Variants in RAB11FIP3 observed in about 807,000 individuals in gnomAD.
RAB11FIP3 encodes rab11 family-interacting protein 3.
RAB11FIP3 carries 17 observed loss-of-function variants against 77.8 expected under a neutral mutation model. That is an observed-to-expected ratio of 0.22 (90% confidence interval 0.15 to 0.33). The LOEUF (loss-of-function observed/expected upper bound fraction) is 0.33, where lower values mean the gene tolerates loss of function less well. Ranked by LOEUF, RAB11FIP3 falls within the 10% of genes least tolerant of loss-of-function variation. RAB11FIP3 has a pLI of 1.00. For synonymous variants in RAB11FIP3, 437 were observed against 448.2 expected (o/e 0.98, Z 0.31); for missense variants, 1,005 against 1,011.2 (o/e 0.99, Z 0.08).
Position 507,262 on chromosome 16 carries a change from A to G in RAB11FIP3, c.1499+1635A>G, listed in dbSNP as rs933905825. On this transcript the variant is annotated intron_variant, in intron 8 of 13. Coordinates refer to ENST00000262305, the MANE Select transcript of RAB11FIP3 (RefSeq NM_014700.4). This position sits in a 1 kb window ranked among gnomAD's most constrained non-coding sequence, Gnocchi z 4.6. ...GAGTAGCTGGGACTTGCAGGCATGCACCACCACGCTGGGCTAATTTTTGTA... is the reference window on the plus strand; with the variant it reads ...GAGTAGCTGGGACTTGCAGGCATGCGCCACCACGCTGGGCTAATTTTTGTA... Among the ~76,000 whole-genome samples, 1 of 152,066 alleles carries G rather than the reference A, an allele frequency of 6.6e-6. No homozygotes were observed. The highest frequency in any genetic ancestry group is 2.4e-5 in the African/African-American group (1 of 41,400).
intron 1 of RAB11FIP3, among the ~76,000 whole-genome samples, chr16:453,968 T>C (rs1764777093): frequency 6.6e-6 from 1 of 152,122 alleles, no homozygotes; most frequent in Admixed American, 6.6e-5. Flanking sequence ...GGAAAACTCA[T>C]ATTATTCAGC....
chr16:520,424 G>T, intron 12 of RAB11FIP3, 35 bp from the exon 13 acceptor site: 1 of 1,609,880 alleles, frequency 6.2e-7, no homozygotes, highest in African/African-American at 1.3e-5. Flanking sequence ...ACCAGCAGGG[G>T]CCACAGCCCA....
At chr16:491,798 G>A (rs988583488) in intron 5 of RAB11FIP3, among the ~76,000 whole-genome samples, 3 of 152,142 alleles carry the variant, frequency 2.0e-5, no homozygotes, top group Non-Finnish European at 4.4e-5. Flanking sequence ...TGACGTGCCC[G>A]TTGGGCATCG....
Position 464,010 on chromosome 16 carries a change from T to C in RAB11FIP3, c.808+2513T>C, listed in dbSNP as rs146249286. Among the ~76,000 whole-genome samples the C allele has an allele frequency of 6.1e-3, 927 of 152,168 alleles. 10 individuals are homozygous for C. The highest frequency in any genetic ancestry group is 0.021 in the African/African-American group (882 of 41,522). ...CACCCTGACAACCAGGTAAAGACCA[T>C]CTGGCCCAGGTGAGGAAGCAGTCCT... On this transcript the variant is annotated intron_variant, in intron 2 of 13. Transcript: ENST00000262305.
At chr16:517,647 AG>A (rs1215623275) in intron 9 of RAB11FIP3, among the ~76,000 whole-genome samples, 1 of 152,226 alleles carries the variant, frequency 6.6e-6, no homozygotes, top group African/African-American at 2.4e-5. Context: ...GTCTTCAGTT[AG>A]TGTGGTCTGC....
chr16:441,763 T>G (rs1455154321), intron 1 of RAB11FIP3, among the ~76,000 whole-genome samples: 1 of 152,226 alleles, frequency 6.6e-6, no homozygotes, highest in East Asian at 1.9e-4. Flanking sequence ...AGCCTTTGAG[T>G]GACTGATACT....
At chr16:440,133 G>A (rs947576604) in intron 1 of RAB11FIP3, among the ~76,000 whole-genome samples, 2 of 150,112 alleles carry the variant, frequency 1.3e-5, no homozygotes, top group Non-Finnish European at 3.0e-5. Context: ...GTGAGCCACC[G>A]CGCCCGGCCT....
intron 9 of RAB11FIP3, among the ~76,000 whole-genome samples, chr16:511,922 A>C (rs1320301006): frequency 8.1e-6 from 1 of 124,036 alleles, no homozygotes; most frequent in East Asian, 2.5e-4. Context: ...AGGTAGGAGA[A>C]GTTCCCCGAC....
At chr16:490,255 C>A (rs757963627) in intron 5 of RAB11FIP3, among the ~76,000 whole-genome samples, 1 of 152,242 alleles carries the variant, frequency 6.6e-6, no homozygotes, top group African/African-American at 2.4e-5. Context: ...CCTTTGCCTT[C>A]GCGTCGCAGA....
intron 1 of RAB11FIP3, among the ~76,000 whole-genome samples, chr16:456,309 G>C: frequency 6.6e-6 from 1 of 152,126 alleles, no homozygotes; most frequent in East Asian, 1.9e-4. Flanking sequence ...AATGAGCCGG[G>C]TGTGGCGGCA....
Position 520,977 on chromosome 16 carries a change from G to T in RAB11FIP3, c.*138G>T. ...ATGCAGGGAACCCTCGTGCAGCTGAGCTGGGGCCGCCAAAGACCGGGGCTG... is the reference window on the plus strand; with the variant it reads ...ATGCAGGGAACCCTCGTGCAGCTGATCTGGGGCCGCCAAAGACCGGGGCTG... On this transcript the variant is annotated 3_prime_UTR_variant, in exon 14 of 14. Coordinates refer to ENST00000262305, the MANE Select transcript of RAB11FIP3 (RefSeq NM_014700.4). 1 of 718,868 alleles carries T rather than the reference G, an allele frequency of 1.4e-6. No homozygotes were observed. Among genetic ancestry groups the T allele is most frequent in the Non-Finnish European group, 2.4e-6 (1 of 415,112 alleles). 44.5% of individuals were successfully genotyped at this position (718,868 alleles called of 1,614,324 possible). A position where few individuals can be genotyped will look rare whatever the true frequency, so the allele number is the denominator to read the frequency against.
rs377069891 is a variant in RAB11FIP3, at chr16:426,608, A to G, written c.602A>G (p.Gln201Arg). Residue 201 changes from glutamine to arginine, a missense_variant, in exon 1 of 14, where the codon CAG (glutamine) becomes CGG (arginine). Physicochemically the swap from Gln to Arg is conservative, Grantham distance 43. Transcript: ENST00000262305. This position sits in a 1 kb window ranked among gnomAD's most constrained non-coding sequence, Gnocchi z 5.0. ...HPLPSEPVGSQEDGPRLRAVF... is the reference protein window; with the variant it reads ...HPLPSEPVGSREDGPRLRAVF... ...CTTCCGAGCGAGCCCGTGGGGAGTC[A>G]GGAGGACGGCCCCCGCCTCCGAGCC... The G allele has an allele frequency of 1.3e-6, 2 of 1,596,570 alleles. No individual in the cohort carries two copies. Among genetic ancestry groups the G allele is most frequent in the Non-Finnish European group, 8.5e-7 (1 of 1,172,476 alleles).
At chr16:495,717 A>G (rs891601391) in intron 5 of RAB11FIP3, among the ~76,000 whole-genome samples, 1 of 152,182 alleles carries the variant, frequency 6.6e-6, no homozygotes, top group African/African-American at 2.4e-5. Context: ...CTCTACGTTA[A>G]TACCTGGCAC....
In RAB11FIP3 at chr16:520,814, A is replaced by G. The variant is rs1326487739; in HGVS notation, c.2246A>G (p.Asn749Ser). Residue 749 changes from asparagine to serine, a missense_variant, in exon 14 of 14, where the codon AAC becomes AGC. Asn to Ser is a conservative substitution (Grantham distance 46). This residue lies in a region of RAB11FIP3 where 90 missense variants were observed against 129.7 expected (regional missense o/e 0.69). Coordinates refer to ENST00000262305, the MANE Select transcript of RAB11FIP3 (RefSeq NM_014700.4). Reference sequence around the variant, plus strand: ...ATCATCGTGGCCATCATGGAGACCAACCCGTCCATCCTGGAGGTCAAGTAG... The same window carrying G: ...ATCATCGTGGCCATCATGGAGACCAGCCCGTCCATCCTGGAGGTCAAGTAG... ...DRIIVAIMET[N>S]PSILEVK 1 of 1,613,652 alleles carries G rather than the reference A, an allele frequency of 6.2e-7. No homozygotes were observed.
At chr16:437,450 G>C (rs554004701) in intron 1 of RAB11FIP3, among the ~76,000 whole-genome samples, 2 of 151,058 alleles carry the variant, frequency 1.3e-5, no homozygotes, top group South Asian at 4.2e-4. Context: ...CGTGCCTGTA[G>C]TCCCAGCTAC....
chr16:518,039 G>A (rs985740413), intron 9 of RAB11FIP3, among the ~76,000 whole-genome samples: 1 of 152,190 alleles, frequency 6.6e-6, no homozygotes, highest in Non-Finnish European at 1.5e-5. Flanking sequence ...CCGAGATGGT[G>A]CCACTGCACT....
chr16:438,318 G>A (rs2141854644), intron 1 of RAB11FIP3, among the ~76,000 whole-genome samples: 1 of 151,840 alleles, frequency 6.6e-6, no homozygotes, highest in East Asian at 1.9e-4. Context: ...ATGTTGGCCA[G>A]GCTGGTCTTG....
chr16:434,231 C>G (rs887211162), intron 1 of RAB11FIP3, among the ~76,000 whole-genome samples: 13 of 152,184 alleles, frequency 8.5e-5, no homozygotes, highest in African/African-American at 3.1e-4. Flanking sequence ...AAGCAATTCT[C>G]CTGCCTCAGC....
chr16:445,375 T>G (rs1596200866), intron 1 of RAB11FIP3, among the ~76,000 whole-genome samples: 1 of 144,006 alleles, frequency 6.9e-6, no homozygotes, highest in Non-Finnish European at 1.5e-5. Context: ...GGAGGCGGAG[T>G]TTACAGTGAG....
Sources: gnomAD v4.1 joint callset for allele counts (sites outside exome capture counted in the v4.1 genomes callset) on GRCh38, gnomAD v4.1.1 for gene constraint, gnomAD v4.1.1 regional missense constraint, Gnocchi (gnomAD v3.1) non-coding constraint, MANE v1.5 for transcripts, NCBI Gene and HGNC (gene_info 2026-07-23, HGNC 2026-07-21) for gene names.